Variants in OR9Q1 observed in about 807,000 individuals in gnomAD.
The protein encoded by OR9Q1 is olfactory receptor family 9 subfamily Q member 1, also known as olfactory receptor 9Q1.
For missense variants in OR9Q1, 374 were observed against 378.8 expected, an observed-to-expected ratio of 0.99 and a Z score of 0.11; for synonymous variants, 153 against 148.6, an observed-to-expected ratio of 1.03 and a Z score of -0.22.
At chr11:58,121,327 A>G (rs866229751) in intron 2 of OR9Q1, among the ~76,000 whole-genome samples, 14 of 152,156 alleles carry the variant, frequency 9.2e-5, no homozygotes, top group Non-Finnish European at 1.8e-4. Context: ...CATCCAGGAT[A>G]CTCATTAAAA....
intron 2 of OR9Q1, among the ~76,000 whole-genome samples, chr11:58,071,202 C>G (rs1183384140): frequency 6.6e-6 from 1 of 152,096 alleles, no homozygotes; most frequent in African/African-American, 2.4e-5. Flanking sequence ...AGAAGCCAGA[C>G]AGGGGCTGGG....
chr11:58,125,831 A>G (rs1460569645), intron 2 of OR9Q1, among the ~76,000 whole-genome samples: 1 of 152,208 alleles, frequency 6.6e-6, no homozygotes, highest in Non-Finnish European at 1.5e-5. Flanking sequence ...GCTCAACTGC[A>G]GACTCTGCTG....
intron 2 of OR9Q1, among the ~76,000 whole-genome samples, chr11:58,114,104 C>G (rs916903724): frequency 6.6e-6 from 1 of 152,146 alleles, no homozygotes; most frequent in Non-Finnish European, 1.5e-5. Flanking sequence ...TTGAACCCAC[C>G]CCAGCAGGTA....
intron 2 of OR9Q1, among the ~76,000 whole-genome samples, chr11:58,128,917 T>A (rs937342723): frequency 1.3e-5 from 2 of 152,222 alleles, no homozygotes; most frequent in Non-Finnish European, 2.9e-5. Flanking sequence ...ATTTATGACA[T>A]ACATGGAAAG....
intron 1 of OR9Q1, among the ~76,000 whole-genome samples, chr11:58,039,684 T>C (rs1853141379): frequency 6.6e-6 from 1 of 152,224 alleles, no homozygotes; most frequent in Non-Finnish European, 1.5e-5. Flanking sequence ...ACAGGTTATT[T>C]ACTTATAAAA....
chr11:58,137,124 G>T (rs1854196690), intron 2 of OR9Q1, among the ~76,000 whole-genome samples: 1 of 152,088 alleles, frequency 6.6e-6, no homozygotes, highest in South Asian at 2.1e-4. Context: ...ATTTTATTTT[G>T]TATTTATTTA....
intron 2 of OR9Q1, among the ~76,000 whole-genome samples, chr11:58,142,684 C>T (rs1022424591): frequency 2.6e-5 from 4 of 152,114 alleles, no homozygotes; most frequent in Non-Finnish European, 5.9e-5. Context: ...CTCTGAAGTC[C>T]ACATTCACTA....
intron 2 of OR9Q1, among the ~76,000 whole-genome samples, chr11:58,128,831 A>T (rs1854114244): frequency 6.6e-6 from 1 of 152,216 alleles, no homozygotes; most frequent in South Asian, 2.1e-4. Flanking sequence ...ACTAAAGTTT[A>T]TGTGTCTGTA....
chr11:58,034,240 C>T (rs1295905347), intron 1 of OR9Q1, among the ~76,000 whole-genome samples: 1 of 151,782 alleles, frequency 6.6e-6, no homozygotes, highest in Non-Finnish European at 1.5e-5. Context: ...GGCCCGCCAC[C>T]ATGCCTGGCT....
rs866828147 is a variant in OR9Q1, at chr11:58,144,185, C to G, written c.-14-35246C>G. ...TAATGCTATCCCTCCCCCCTCCCCC[C>G]ACCCCACAACAGTCCCCGGTGTGTG... On this transcript the variant is annotated intron_variant, in intron 2 of 2. Transcript: ENST00000335397. Among the ~76,000 whole-genome samples the G allele has an allele frequency of 2.5e-4, 33 of 130,992 alleles. No individual in the cohort carries two copies. The Middle Eastern group carries it at 0.016, about 62-fold the overall frequency. The allele number at this position is 130,992 out of a possible 152,430, so 85.9% of individuals were successfully genotyped here.
At chr11:58,082,696 T>C (rs918225279) in intron 2 of OR9Q1, among the ~76,000 whole-genome samples, 5 of 144,060 alleles carry the variant, frequency 3.5e-5, no homozygotes, top group Non-Finnish European at 7.6e-5. Context: ...TGTATGCATA[T>C]GTAACTAACC....
At chr11:58,032,431 T>C (rs1169061315) in intron 1 of OR9Q1, among the ~76,000 whole-genome samples, 1 of 152,136 alleles carries the variant, frequency 6.6e-6, no homozygotes, top group African/African-American at 2.4e-5. Context: ...CATAGACCAA[T>C]GGGACAGAAT....
chr11:58,069,080 G>A (rs1431368668), intron 2 of OR9Q1, among the ~76,000 whole-genome samples: 1 of 152,116 alleles, frequency 6.6e-6, no homozygotes, highest in Non-Finnish European at 1.5e-5. Flanking sequence ...ATGGCTGCTT[G>A]AAGGTTACCT....
chr11:58,056,987 GTTTTTTTTTTTTTT>G lies in OR9Q1; in HGVS notation c.-15+1052_-15+1065del, dbSNP rs34375940. Among the ~76,000 whole-genome samples, 3 of 68,784 alleles carry G rather than the reference GTTTTTTTTTTTTTT, an allele frequency of 4.4e-5. No homozygotes were observed. In the Admixed American group the frequency reaches 5.6e-4, roughly 13 times the overall value. 45.1% of individuals were successfully genotyped at this position (68,784 alleles called of 152,430 possible). A position where few individuals can be genotyped will look rare whatever the true frequency, so the allele number is the denominator to read the frequency against. ...AGGCTTCCATGGTTATACAATTCAG[GTTTTTTTTTTTTTT>G]TTTTTTTTTTTGAGATGGAGTCTCA... On this transcript the variant is annotated intron_variant, in intron 2 of 2. Coordinates refer to ENST00000335397, the MANE Select transcript of OR9Q1 (RefSeq NM_001005212.4).
At chr11:58,142,092 G>A (rs1854255529) in intron 2 of OR9Q1, among the ~76,000 whole-genome samples, 1 of 152,144 alleles carries the variant, frequency 6.6e-6, no homozygotes, top group Non-Finnish European at 1.5e-5. Context: ...CTGCTGAAAT[G>A]TCACCTTTTC....
chr11:58,094,241 G>A (rs766160663), intron 2 of OR9Q1, among the ~76,000 whole-genome samples: 84 of 152,128 alleles, frequency 5.5e-4, no homozygotes, highest in Non-Finnish European at 1.0e-3. Context: ...GATAAATAAT[G>A]TGTACACATA....
intron 2 of OR9Q1, among the ~76,000 whole-genome samples, chr11:58,106,092 A>AC (rs1415375168): frequency 2.7e-5 from 4 of 149,922 alleles, no homozygotes; most frequent in Non-Finnish European, 5.9e-5. Flanking sequence ...AACATGTTCC[A>AC]CCCCCTTGGA....
chr11:58,171,860 A>G (rs1854558529), intron 2 of OR9Q1: 1 of 152,240 alleles, frequency 6.6e-6, no homozygotes, highest in African/African-American at 2.4e-5. Flanking sequence ...TTTTCCAGCC[A>G]GAAGTTTTCC....
chr11:58,075,696 C>T lies in OR9Q1; in HGVS notation c.-15+19749C>T, dbSNP rs368569129. ...GCACCTTGATCTTTGACTTCCTAGACTTCAGAACTATTAGAAGTAAACTTC... is the reference window on the plus strand; with the variant it reads ...GCACCTTGATCTTTGACTTCCTAGATTTCAGAACTATTAGAAGTAAACTTC... On this transcript the variant is annotated intron_variant, in intron 2 of 2. Coordinates refer to ENST00000335397, the MANE Select transcript of OR9Q1 (RefSeq NM_001005212.4). Among the ~76,000 whole-genome samples, 8 of 152,298 alleles carry T rather than the reference C, an allele frequency of 5.3e-5. No individual in the cohort carries two copies. The South Asian group carries it at 1.7e-3, about 32-fold the overall frequency.
Sources: gnomAD v4.1 joint callset for allele counts (sites outside exome capture counted in the v4.1 genomes callset) on GRCh38, gnomAD v4.1.1 for gene constraint, MANE v1.5 for transcripts, NCBI Gene and HGNC (gene_info 2026-07-23, HGNC 2026-07-21) for gene names.